LRPAP1: variants seen among roughly 807,000 people sequenced by gnomAD.
LRPAP1 encodes the protein LDL receptor related protein associated protein 1.
A neutral mutation model predicts 39.9 loss-of-function variants in LRPAP1; 41 were observed. That is an observed-to-expected ratio of 1.03 (90% confidence interval 0.80 to 1.33). The LOEUF is 1.33. LRPAP1 is among the 40% of genes most tolerant of loss of function. LRPAP1 has a pLI of 0.00. For missense variants in LRPAP1, 565 were observed against 482.3 expected (o/e 1.17, Z -1.61); for synonymous variants, 263 against 212.7 (o/e 1.24, Z -2.06).
chr4:3,530,580 C>CAGTGAACCTCAGGGAGGTTT, intron 1 of LRPAP1, among the ~76,000 whole-genome samples: 1 of 152,210 alleles, frequency 6.6e-6, no homozygotes, highest in Non-Finnish European at 1.5e-5. Flanking sequence ...CCATGGTGCC[C>CAGTGAACCTCAGGGAGGTTT]AGTGAACCTC....
Position 3,511,908 on chromosome 4 carries a change from G to C in LRPAP1, c.*1066C>G, listed in dbSNP as rs1415779590. 2 of 75,684 alleles carry C rather than the reference G, an allele frequency of 2.6e-5. No individual in the cohort carries two copies. Among genetic ancestry groups the C allele is most frequent in the Non-Finnish European group, 5.1e-5 (2 of 39,006 alleles). 4.7% of individuals were successfully genotyped at this position (75,684 alleles called of 1,614,324 possible). A position where few individuals can be genotyped will look rare whatever the true frequency, so the allele number is the denominator to read the frequency against. ...GGGAACCACGCTCGGAGCCGGACCC[G>C]AGCCTCTTCCAGGCTCAGACACGGG... On this transcript the variant is annotated 3_prime_UTR_variant, in exon 8 of 8. Transcript: ENST00000650182.
At chr4:3,522,914 A>G (rs954891318) in intron 2 of LRPAP1, among the ~76,000 whole-genome samples, 16 of 152,140 alleles carry the variant, frequency 1.1e-4, no homozygotes, top group African/African-American at 3.9e-4. Flanking sequence ...CTGGTCCCCC[A>G]GGTATGGTAT....
At chr4:3,518,327 G>A (rs1729791660) in intron 4 of LRPAP1, 135 bp from the exon 5 acceptor site, 3 of 978,318 alleles carry the variant, frequency 3.1e-6, no homozygotes, top group Admixed American at 3.1e-5. Flanking sequence ...CCCTTCCGCG[G>A]TCCTGCAGCG....
rs747562279 is a variant in LRPAP1 at position 3,518,924 on chromosome 4, T to C, written c.539A>G (p.Lys180Arg). ...DKLWREFLHH[K>R]EKVHEYNVLL... ...GACGTTGTACTCGTGAACTTTCTCTTTGTGATGCAGGAACTCCCGCCAGAG... is the reference window on the plus strand; with the variant it reads ...GACGTTGTACTCGTGAACTTTCTCTCTGTGATGCAGGAACTCCCGCCAGAG... The change falls in exon 4 of 8, where the codon AAA becomes AGA. Residue 180 changes from lysine to arginine, a missense_variant. Lys to Arg is a conservative substitution (Grantham distance 26). Transcript: ENST00000650182. 2.2e-5 allele frequency: 35 copies of C among 1,613,764 alleles called. No homozygotes were observed. The South Asian group carries it at 3.4e-4, about 16-fold the overall frequency.
chr4:3,505,408 C>G lies in LRPAP1; in HGVS notation c.*7566G>C, dbSNP rs1443927034. ...CATCGCTGGGAAGGAGTGGTTTGACCCCTCACCACTGAGAGGAGTAAGGTG... is the reference window on the plus strand; with the variant it reads ...CATCGCTGGGAAGGAGTGGTTTGACGCCTCACCACTGAGAGGAGTAAGGTG... On this transcript the variant is annotated 3_prime_UTR_variant, in exon 8 of 8. Transcript: ENST00000650182. 2.0e-5 allele frequency among the ~76,000 whole-genome samples: 3 copies of G among 152,238 alleles called. No individual in the cohort carries two copies. Among genetic ancestry groups the G allele is most frequent in the Non-Finnish European group, 2.9e-5 (2 of 68,036 alleles).
In LRPAP1 at chr4:3,508,177, T is replaced by A. The variant is rs1729405288; in HGVS notation, c.*4797A>T. The A allele has an allele frequency of 6.6e-6, 1 of 152,178 alleles. No individual in the cohort carries two copies. The highest frequency in any genetic ancestry group is 2.1e-4 in the South Asian group (1 of 4,826). 9.4% of individuals were successfully genotyped at this position (152,178 alleles called of 1,614,324 possible). A position where few individuals can be genotyped will look rare whatever the true frequency, so the allele number is the denominator to read the frequency against. ...TGCACCACCACACCCTGCTAATTTT[T>A]ATATTTTTAATGGAGACGGGGTTTC... is the stretch of plus-strand genomic sequence containing the variant. On this transcript the variant is annotated 3_prime_UTR_variant, in exon 8 of 8. Coordinates refer to ENST00000650182, the MANE Select transcript of LRPAP1 (RefSeq NM_002337.4).
At position 3,510,557 on chromosome 4, in the gene LRPAP1, T is replaced by C. The variant is rs1344279308; in HGVS notation, c.*2417A>G. Reference sequence around the variant, plus strand: ...AGGAGAAAAAAGCCTATGCAGCAAATAATCTGAAAGTTAAGGGAGAAATGG... The same window carrying C: ...AGGAGAAAAAAGCCTATGCAGCAAACAATCTGAAAGTTAAGGGAGAAATGG... On this transcript the variant is annotated 3_prime_UTR_variant, in exon 8 of 8. Transcript: ENST00000650182. 1 of 152,182 alleles carries C rather than the reference T, an allele frequency of 6.6e-6. No homozygotes were observed. The highest frequency in any genetic ancestry group is 2.4e-5 in the African/African-American group (1 of 41,424). 9.4% of individuals were successfully genotyped at this position (152,182 alleles called of 1,614,324 possible). A position where few individuals can be genotyped will look rare whatever the true frequency, so the allele number is the denominator to read the frequency against.
At position 3,511,812 on chromosome 4, in the gene LRPAP1, C is replaced by T. The variant is rs1241400386; in HGVS notation, c.*1162G>A. On this transcript the variant is annotated 3_prime_UTR_variant, in exon 8 of 8. Transcript: ENST00000650182. Reference sequence around the variant, plus strand: ...CCCAGAGCCGGACCCGAGCCTCTTCCAGGCTCAGACACGGGAAGGGAACCA... The same window carrying T: ...CCCAGAGCCGGACCCGAGCCTCTTCTAGGCTCAGACACGGGAAGGGAACCA... 2.7e-5 allele frequency: 4 copies of T among 147,778 alleles called. No homozygotes were observed. In the East Asian group the frequency reaches 8.0e-4, roughly 30 times the overall value. The allele number at this position is 147,778 out of a possible 1,614,324, so 9.2% of individuals were successfully genotyped here. A position where few individuals can be genotyped will look rare whatever the true frequency, so the allele number is the denominator to read the frequency against.
At position 3,532,251 on chromosome 4, in the gene LRPAP1, G is replaced by C. The variant is rs970161625; in HGVS notation, c.162C>G (p.Phe54Leu). The change falls in exon 1 of 8, where the codon TTC (phenylalanine) becomes TTG (leucine). Residue 54 changes from phenylalanine (F) to leucine (L), a missense_variant. Physicochemically the swap from Phe to Leu is conservative, Grantham distance 22. Transcript: ENST00000650182. ...ACAGCTGGTTCAACTTCTCCATGCG[G>C]AACTCCTCTCCGGACTCGCGTTTCG... Reference protein sequence around the residue: ...PSPKRESGEEFRMEKLNQLWE... With the variant: ...PSPKRESGEELRMEKLNQLWE... 1 of 1,552,340 alleles carries C rather than the reference G, an allele frequency of 6.4e-7. No homozygotes were observed. Among genetic ancestry groups the C allele is most frequent in the Non-Finnish European group, 8.7e-7 (1 of 1,147,506 alleles).
chr4:3,512,728 C>A lies in LRPAP1; in HGVS notation c.*246G>T. On this transcript the variant is annotated 3_prime_UTR_variant, in exon 8 of 8. Transcript: ENST00000650182. ...CCTCACTGGGGTGGTGACTGCCACG[C>A]TGATGCTGAGTGGAAGCCAAGCCCC... 3.7e-6 allele frequency: 2 copies of A among 534,044 alleles called. No homozygotes were observed. The highest frequency in any genetic ancestry group is 2.5e-5 in the South Asian group (1 of 40,798). The allele number at this position is 534,044 out of a possible 1,614,324, so 33.1% of individuals were successfully genotyped here. A position where few individuals can be genotyped will look rare whatever the true frequency, so the allele number is the denominator to read the frequency against.
chr4:3,519,872 G>C (rs537525145), intron 3 of LRPAP1, among the ~76,000 whole-genome samples, 200 bp downstream of exon 3: 2 of 152,212 alleles, frequency 1.3e-5, no homozygotes, highest in Non-Finnish European at 2.9e-5. Flanking sequence ...TACTCAAAGA[G>C]CAAGGAATCT....
At chr4:3,518,274 T>C (rs1006165903) in intron 4 of LRPAP1, 82 bp from the exon 5 acceptor site, 12 of 1,437,046 alleles carry the variant, frequency 8.4e-6, no homozygotes, top group South Asian at 2.8e-5. Context: ...CGCCCACTGC[T>C]GGGGAGCTCA....
intron 1 of LRPAP1, among the ~76,000 whole-genome samples, chr4:3,531,507 T>C (rs2108700344): frequency 6.6e-6 from 1 of 152,242 alleles, no homozygotes; most frequent in Non-Finnish European, 1.5e-5. Flanking sequence ...GAAGCAACCG[T>C]ATCTTAATGA....
In LRPAP1 at chr4:3,532,244, C is replaced by T. The variant is rs974739262; in HGVS notation, c.169G>A (p.Glu57Lys). 1 of 1,551,610 alleles carries T rather than the reference C, an allele frequency of 6.4e-7. No homozygotes were observed. Residue 57 changes from glutamate (E) to lysine (K), a missense_variant, in exon 1 of 8, where the codon GAG (glutamate) becomes AAG (lysine). Coordinates refer to ENST00000650182, the MANE Select transcript of LRPAP1 (RefSeq NM_002337.4). Reference protein sequence around the residue: ...KRESGEEFRMEKLNQLWEKAQ... With the variant: ...KRESGEEFRMKKLNQLWEKAQ... Reference sequence around the variant, plus strand: ...TTCTCCCACAGCTGGTTCAACTTCTCCATGCGGAACTCCTCTCCGGACTCG... The same window carrying T: ...TTCTCCCACAGCTGGTTCAACTTCTTCATGCGGAACTCCTCTCCGGACTCG...
chr4:3,517,614 G>A (rs1729756621), intron 5 of LRPAP1: 2 of 158,744 alleles, frequency 1.3e-5, no homozygotes, highest in Admixed American at 1.3e-4. Flanking sequence ...CAAGCTCTGT[G>A]GCCTCAGCGG....
intron 6 of LRPAP1, 80 bp downstream of exon 6, chr4:3,516,036 G>C (rs747639045): frequency 2.3e-6 from 3 of 1,313,908 alleles, no homozygotes; most frequent in Non-Finnish European, 3.2e-6. Flanking sequence ...GGAGGAGAGG[G>C]CTGCATTTCC....
Position 3,525,053 on chromosome 4 carries a change from T to C in LRPAP1, c.205-2A>G. 2 of 1,613,868 alleles carry C rather than the reference T, an allele frequency of 1.2e-6. No homozygotes were observed. Among genetic ancestry groups the C allele is most frequent in the Non-Finnish European group, 1.7e-6 (2 of 1,180,018 alleles). ...CAGCCTCACGGGAGGAAGATGCAGCTGCGAACGAAGGGGAGGAGCCTGTGA... is the reference window on the plus strand; with the variant it reads ...CAGCCTCACGGGAGGAAGATGCAGCCGCGAACGAAGGGGAGGAGCCTGTGA... On this transcript the variant is annotated splice_acceptor_variant, in intron 1 of 7. Transcript: ENST00000650182. LOFTEE classifies it high-confidence loss of function.
intron 2 of LRPAP1, among the ~76,000 whole-genome samples, chr4:3,523,684 G>T (rs1018116219): frequency 6.6e-6 from 1 of 152,220 alleles, no homozygotes; most frequent in Non-Finnish European, 1.5e-5. Flanking sequence ...CAGGCCTAAC[G>T]AAGGAACTCC....
rs962597392 is a variant in LRPAP1, at chr4:3,511,681, A to G, written c.*1293T>C. The stretch of plus-strand genomic sequence containing the variant: ...TCAAGCCAAGATCCAGCTGCAGTCA[A>G]AACACAATACGCCTGGTGGAGCCTC... On this transcript the variant is annotated 3_prime_UTR_variant, in exon 8 of 8. Coordinates refer to ENST00000650182, the MANE Select transcript of LRPAP1 (RefSeq NM_002337.4). 6.6e-6 allele frequency: 1 copy of G among 152,342 alleles called. No homozygotes were observed. Among genetic ancestry groups the G allele is most frequent in the African/African-American group, 2.4e-5 (1 of 41,462 alleles). The allele number at this position is 152,342 out of a possible 1,614,324, so 9.4% of individuals were successfully genotyped here.
Sources: allele counts gnomAD v4.1 joint callset (sites outside exome capture counted in the v4.1 genomes callset), GRCh38; gene constraint gnomAD v4.1.1; transcripts MANE v1.5; gene names NCBI Gene and HGNC (gene_info 2026-07-23, HGNC 2026-07-21).